Variants in FRAS1 observed in about 807,000 individuals in gnomAD.
FRAS1 encodes the protein Fraser extracellular matrix complex subunit 1.
FRAS1 carries 290 observed loss-of-function variants against 435.2 expected under a neutral mutation model. That is an observed-to-expected ratio of 0.67 (90% CI 0.61 to 0.73). The LOEUF (loss-of-function observed/expected upper bound fraction) is 0.73, where lower values mean the gene tolerates loss of function less well. Among genes scored for constraint, FRAS1 ranks in the 30% least tolerant of loss-of-function variants. The probability of loss-of-function intolerance (pLI) is 0.00; values close to 1 mark genes in which losing one functional copy is unlikely to be tolerated. For synonymous variants in FRAS1, 1,800 were observed against 1,851.0 expected (o/e 0.97, Z 0.71); for missense variants, 4,860 against 5,001.5 (o/e 0.97, Z 0.85).
At position 78,511,282 on chromosome 4, in the gene FRAS1, C is replaced by T. The variant is rs1721026090; in HGVS notation, c.9789C>T (p.Asp3263=). 6.3e-7 allele frequency: 1 copy of T among 1,597,252 alleles called. No homozygotes were observed. The highest frequency in any genetic ancestry group is 1.1e-5 in the South Asian group (1 of 89,540). Reference sequence around the variant, plus strand: ...TTTTTTCTTCCTGTTAGGTCCTGGACAGCATTTACTTCAGCCGGAGGTTCC... The same window carrying T: ...TTTTTTCTTCCTGTTAGGTCCTGGATAGCATTTACTTCAGCCGGAGGTTCC... The part of the protein sequence containing the change: ...PFTSVNHMVL[D]SIYFSRRFHV... The change falls in exon 64 of 74, where the codon GAC becomes GAT. Residue 3263 remains aspartate, a synonymous_variant. Transcript: ENST00000512123.
At chr4:78,406,595 T>C (rs1324794965) in intron 30 of FRAS1, among the ~76,000 whole-genome samples, 1 of 152,206 alleles carries the variant, frequency 6.6e-6, no homozygotes, top group Non-Finnish European at 1.5e-5. Flanking sequence ...GGGTCCCTTC[T>C]ACAATATGTG....
intron 14 of FRAS1, among the ~76,000 whole-genome samples, chr4:78,290,763 T>A (rs6814182): frequency 1.4e-5 from 2 of 147,358 alleles, no homozygotes; most frequent in Non-Finnish European, 3.0e-5. Context: ...TTTTTTTGTT[T>A]GTTTGTTTGA....
chr4:78,155,855 G>C (rs1046318369), intron 2 of FRAS1, among the ~76,000 whole-genome samples: 14 of 152,136 alleles, frequency 9.2e-5, no homozygotes, highest in African/African-American at 3.4e-4. Context: ...CAGAGTTGGT[G>C]AGTGGGCCAT....
chr4:78,432,713 C>G, intron 38 of FRAS1, 109 bp downstream of exon 38: 4 of 1,271,856 alleles, frequency 3.1e-6, no homozygotes, highest in Non-Finnish European at 3.2e-6. Context: ...TATATGGTCA[C>G]GTAAAGAACA....
chr4:78,322,098 C>T (rs915675384), intron 18 of FRAS1, among the ~76,000 whole-genome samples: 2 of 152,150 alleles, frequency 1.3e-5, no homozygotes, highest in African/African-American at 2.4e-5. Flanking sequence ...ATTGAGTTGC[C>T]TAAGATTCCA....
At position 78,489,093 on chromosome 4, in the gene FRAS1, G is replaced by A. The variant is rs756473514; in HGVS notation, c.8958+13G>A. ...CAAAGGGGACAAAGTAAGTGGATTG[G>A]TGGTGGCTGAAAGATGAGATTCTCT... On this transcript the variant is annotated intron_variant, in intron 59 of 73. Coordinates refer to ENST00000512123, the MANE Select transcript of FRAS1 (RefSeq NM_025074.7). 1 of 1,602,790 alleles carries A rather than the reference G, an allele frequency of 6.2e-7. No homozygotes were observed. The highest frequency in any genetic ancestry group is 8.5e-7 in the Non-Finnish European group (1 of 1,173,736).
chr4:78,167,825 G>A (rs1433631364), intron 2 of FRAS1, among the ~76,000 whole-genome samples: 2 of 152,064 alleles, frequency 1.3e-5, no homozygotes, highest in African/African-American at 4.8e-5. Context: ...GTCATGGTTG[G>A]TATAGGAATA....
intron 31 of FRAS1, among the ~76,000 whole-genome samples, chr4:78,409,196 A>G (rs1183139681): frequency 1.3e-5 from 2 of 150,358 alleles, no homozygotes; most frequent in African/African-American, 4.9e-5. Flanking sequence ...TATAAATATA[A>G]TTATAAATTA....
rs779986441 is a variant in FRAS1 at position 78,450,252 on chromosome 4, C to T, written c.6376C>T (p.Arg2126Cys). The part of the protein sequence containing the change: ...YIMKEDPGAG[R>C]LQMMKHGNLE... ...CATGAAGGAAGATCCTGGTGCAGGG[C>T]GCCTGCAGATGATGAAGCATGGCAA... The change falls in exon 45 of 74, where the codon CGC becomes TGC. Residue 2126 changes from arginine to cysteine, a missense_variant. Transcript: ENST00000512123. The T allele has an allele frequency of 5.0e-6, 8 of 1,613,454 alleles. No individual in the cohort carries two copies. Among genetic ancestry groups the T allele is most frequent in the Middle Eastern group, 1.7e-4 (1 of 6,060 alleles).
chr4:78,375,980 G>A (rs1437123361), intron 26 of FRAS1, 101 bp downstream of exon 26: 3 of 1,357,070 alleles, frequency 2.2e-6, no homozygotes, highest in Non-Finnish European at 3.1e-6. Context: ...ATAAAATGCA[G>A]CATTCCCAAT....
intron 26 of FRAS1, among the ~76,000 whole-genome samples, chr4:78,377,322 T>C: frequency 6.6e-6 from 1 of 152,218 alleles, no homozygotes; most frequent in East Asian, 1.9e-4. Flanking sequence ...GGAATCTTTC[T>C]GAAAACCCTA....
At chr4:78,338,583 GC>G (rs1343003791) in intron 20 of FRAS1, among the ~76,000 whole-genome samples, 2 of 152,194 alleles carry the variant, frequency 1.3e-5, no homozygotes, top group African/African-American at 4.8e-5. Context: ...TCCTTTATTA[GC>G]TGTTGCCTCA....
intron 2 of FRAS1, among the ~76,000 whole-genome samples, chr4:78,179,445 T>A (rs1721909663): frequency 6.6e-6 from 1 of 152,178 alleles, no homozygotes; most frequent in Admixed American, 6.5e-5. Context: ...GAAAGTGGAA[T>A]TCCCCTGAAT....
rs142971896 is a variant in FRAS1, at chr4:78,507,417, G to A, written c.9317-4G>A. The A allele has an allele frequency of 1.2e-4, 193 of 1,606,672 alleles. No homozygotes were observed. The African/African-American group carries it at 2.2e-3, about 18-fold the overall frequency. On this transcript the variant is annotated splice_region_variant and splice_polypyrimidine_tract_variant and intron_variant, in intron 61 of 73. Coordinates refer to ENST00000512123, the MANE Select transcript of FRAS1 (RefSeq NM_025074.7). ...GCTCTCTTTTTGTTCTGTCCTTGGC[G>A]AAGGTGTGGATCATATCTTTTTTAA...
At position 78,221,940 on chromosome 4, in the gene FRAS1, C is replaced by T. The variant is rs761080697; in HGVS notation, c.109-15570C>T. On this transcript the variant is annotated intron_variant, in intron 2 of 73. Coordinates refer to ENST00000512123, the MANE Select transcript of FRAS1 (RefSeq NM_025074.7). ...CACTCTGTCTTTAATGGAATCATTC[C>T]TCAACCGTACTGGAAGTCTCAGGTT... is the stretch of plus-strand genomic sequence containing the variant. Among the ~76,000 whole-genome samples, 9 of 152,168 alleles carry T rather than the reference C, an allele frequency of 5.9e-5. No individual in the cohort carries two copies. The South Asian group carries it at 6.2e-4, about 11-fold the overall frequency.
At position 78,438,928 on chromosome 4, in the gene FRAS1, G is replaced by T. The variant is rs746353043; in HGVS notation, c.5393G>T (p.Gly1798Val). Residue 1798 changes from glycine (G) to valine (V), a missense_variant, in exon 40 of 74, where the codon GGT (glycine) becomes GTT (valine). Gly to Val is a moderately radical substitution (Grantham distance 109). Transcript: ENST00000512123. ...IRYSAVFETD[G>V]HLVTDSFYFS... ...TACTCAGCTGTGTTTGAAACTGATG[G>T]TCATCTGGTTACTGATAGCTTCTAT... The T allele has an allele frequency of 1.2e-6, 2 of 1,609,762 alleles. No homozygotes were observed. Among genetic ancestry groups the T allele is most frequent in the South Asian group, 2.2e-5 (2 of 89,650 alleles).
At chr4:78,374,377 C>T in intron 25 of FRAS1, 126 bp downstream of exon 25, 1 of 911,348 alleles carries the variant, frequency 1.1e-6, no homozygotes, top group Non-Finnish European at 1.6e-6. Context: ...AGGGCTTAGC[C>T]TAAGTAATTG....
chr4:78,478,419 A>C (rs993085925), intron 55 of FRAS1, among the ~76,000 whole-genome samples: 3 of 152,208 alleles, frequency 2.0e-5, no homozygotes, highest in Non-Finnish European at 4.4e-5. Flanking sequence ...GTTCATAAGG[A>C]CTGGCTTTCC....
At chr4:78,079,848 A>T (rs1453367463) in intron 2 of FRAS1, among the ~76,000 whole-genome samples, 2 of 152,160 alleles carry the variant, frequency 1.3e-5, no homozygotes, top group Non-Finnish European at 2.9e-5. Context: ...GATTTACTAC[A>T]CAGCCAAGTG....
Sources: allele counts gnomAD v4.1 joint callset (sites outside exome capture counted in the v4.1 genomes callset), GRCh38; gene constraint gnomAD v4.1.1; transcripts MANE v1.5; gene names NCBI Gene and HGNC (gene_info 2026-07-23, HGNC 2026-07-21).